Variants in HCLS1 observed in about 807,000 individuals in gnomAD.
The protein encoded by HCLS1 is hematopoietic cell-specific Lyn substrate 1.
Under a neutral mutation model 68.6 loss-of-function variants are expected in HCLS1, and 44 were observed. That is an observed-to-expected ratio of 0.64 (90% CI 0.50 to 0.82). The LOEUF (loss-of-function observed/expected upper bound fraction) is 0.82, where lower values mean the gene tolerates loss of function less well. Ranked by LOEUF, HCLS1 falls within the 40% of genes least tolerant of loss-of-function variation. The pLI is 0.00. For missense variants in HCLS1, 602 were observed against 612.1 expected (o/e 0.98, Z 0.17); for synonymous variants, 217 against 225.8 (o/e 0.96, Z 0.35).
In HCLS1 at chr3:121,634,333, C is replaced by T. The variant is rs2049129031; in HGVS notation, c.777G>A (p.Gln259=). ...KRKREEEEKA[Q]QVARRQQERK... ...GCTCCTGTTGCCTCCTGGCCACCTG[C>T]TGTGCCTTCTCCTCTTCCTCTCGCT... The change falls in exon 10 of 14, where the codon CAG becomes CAA. Residue 259 remains glutamine (Q), a synonymous_variant. Coordinates refer to ENST00000314583, the MANE Select transcript of HCLS1 (RefSeq NM_005335.6). 1 of 1,614,142 alleles carries T rather than the reference C, an allele frequency of 6.2e-7. No homozygotes were observed. Among genetic ancestry groups the T allele is most frequent in the Non-Finnish European group, 8.5e-7 (1 of 1,179,978 alleles).
chr3:121,658,243 C>G, intron 2 of HCLS1, 21 bp downstream of exon 2: 4 of 1,601,048 alleles, frequency 2.5e-6, no homozygotes, highest in Non-Finnish European at 3.4e-6. Context: ...ACTGTCCAAG[C>G]AAAGCTACTT....
chr3:121,648,907 C>T (rs1170988686), intron 3 of HCLS1, among the ~76,000 whole-genome samples: 2 of 152,060 alleles, frequency 1.3e-5, no homozygotes, highest in African/African-American at 4.8e-5. Context: ...GCTACTAGTA[C>T]CAAGGACATG....
intron 4 of HCLS1, among the ~76,000 whole-genome samples, chr3:121,645,984 T>G (rs1276612108): frequency 1.5e-5 from 2 of 135,462 alleles, no homozygotes; most frequent in Non-Finnish European, 3.1e-5. Context: ...TAACATATAT[T>G]AATAATATAT....
chr3:121,652,626 C>T (rs1235409905), intron 3 of HCLS1, among the ~76,000 whole-genome samples: 1 of 152,144 alleles, frequency 6.6e-6, no homozygotes, highest in East Asian at 1.9e-4. Context: ...TACCACTGCA[C>T]TCCAGCCTGG....
Position 121,644,929 on chromosome 3 carries a change from CTG to C in HCLS1, c.289-3_289-2del, listed in dbSNP as rs757692384. The stretch of plus-strand genomic sequence containing the variant: ...CAACATACTCATGGCCCACTGCACT[CTG>C]AGAAAAATCAAGGATGGAGTGAGTG... On this transcript the variant is annotated splice_acceptor_variant and splice_polypyrimidine_tract_variant and intron_variant, in intron 4 of 13. Coordinates refer to ENST00000314583, the MANE Select transcript of HCLS1 (RefSeq NM_005335.6). LOFTEE classifies it high-confidence loss of function. 6.2e-7 allele frequency: 1 copy of C among 1,609,266 alleles called. No homozygotes were observed. The highest frequency in any genetic ancestry group is 8.5e-7 in the Non-Finnish European group (1 of 1,175,706).
chr3:121,654,363 T>C (rs941457609), intron 3 of HCLS1: 2 of 152,248 alleles, frequency 1.3e-5, no homozygotes, highest in Non-Finnish European at 2.9e-5. Context: ...TATGTTATTT[T>C]TAACCATTTA....
rs2049158285 is a variant in HCLS1, at chr3:121,637,231, C to T, written c.480G>A (p.Arg160=). 2 of 1,613,904 alleles carry T rather than the reference C, an allele frequency of 1.2e-6. No individual in the cohort carries two copies. Among genetic ancestry groups the T allele is most frequent in the Non-Finnish European group, 8.5e-7 (1 of 1,179,836 alleles). ...QKDYSRGFGG[R]YGVEKDKWDK... is the part of the protein sequence containing the mutation. The stretch of plus-strand genomic sequence containing the variant: ...CCCATTTATCCTTCTCCACCCCGTA[C>T]CGGCCACCAAAGCCACGAGAGTAAT... The change falls in exon 7 of 14, where the codon CGG becomes CGA. Residue 160 remains arginine (R), a synonymous_variant. Transcript: ENST00000314583.
At chr3:121,649,888 C>T (rs1937705783) in intron 3 of HCLS1, among the ~76,000 whole-genome samples, 1 of 152,070 alleles carries the variant, frequency 6.6e-6, no homozygotes, top group Non-Finnish European at 1.5e-5. Context: ...ATGTGAGTGA[C>T]TCAGAATATA....
chr3:121,632,245 T>A, intron 12 of HCLS1, 61 bp from the exon 13 acceptor site: 2 of 1,604,172 alleles, frequency 1.2e-6, no homozygotes, highest in Non-Finnish European at 1.7e-6. Context: ...CAGAGAAAGA[T>A]CCTACTGGGG....
In HCLS1 at chr3:121,633,279, G is replaced by A. The variant is rs368834635; in HGVS notation, c.904-108C>T. The A allele has an allele frequency of 1.9e-4, 131 of 689,078 alleles. 1 individual carries two copies. The highest frequency in any genetic ancestry group is 1.5e-3 in the East Asian group (52 of 35,122). The allele number at this position is 689,078 out of a possible 1,614,324, so 42.7% of individuals were successfully genotyped here. A position where few individuals can be genotyped will look rare whatever the true frequency, so the allele number is the denominator to read the frequency against. ...AGCCCAGGCTGGAGTGCAGTGGTGC[G>A]ATCTCAGCTCATTGCAACCTCCGCC... On this transcript the variant is annotated intron_variant, in intron 10 of 13. Transcript: ENST00000314583.
rs1163124077 is a variant in HCLS1 at position 121,631,557 on chromosome 3, A to C, written c.*289T>G. The C allele has an allele frequency of 1.4e-5, 5 of 350,420 alleles. No individual in the cohort carries two copies. The highest frequency in any genetic ancestry group is 1.0e-5 in the Non-Finnish European group (2 of 191,300). The allele number at this position is 350,420 out of a possible 1,614,324, so 21.7% of individuals were successfully genotyped here. On this transcript the variant is annotated 3_prime_UTR_variant, in exon 14 of 14. Transcript: ENST00000314583. Reference sequence around the variant, plus strand: ...CGGGTAAACAAACTGGGAAGCCCAGAGCTCACAGAGGAGGAGAGCAGAGCT... The same window carrying C: ...CGGGTAAACAAACTGGGAAGCCCAGCGCTCACAGAGGAGGAGAGCAGAGCT...
In HCLS1 at chr3:121,633,051, T is replaced by C. The variant is rs780416658; in HGVS notation, c.1008+16A>G. ...AAGATGGGGTGGGGGCAGAGAATCTTTGGGGGTTTGCTTACCTCCGGGAGA... is the reference window on the plus strand; with the variant it reads ...AAGATGGGGTGGGGGCAGAGAATCTCTGGGGGTTTGCTTACCTCCGGGAGA... On this transcript the variant is annotated intron_variant, in intron 11 of 13. Transcript: ENST00000314583. The C allele has an allele frequency of 6.3e-5, 98 of 1,548,536 alleles. 1 individual carries two copies. In the South Asian group the frequency reaches 7.5e-4, roughly 12 times the overall value.
intron 3 of HCLS1, among the ~76,000 whole-genome samples, chr3:121,649,528 C>T (rs1937693936): frequency 6.6e-6 from 1 of 152,196 alleles, no homozygotes; most frequent in Non-Finnish European, 1.5e-5. Flanking sequence ...AGCCACCACG[C>T]CTGGCCTAAA....
intron 6 of HCLS1, among the ~76,000 whole-genome samples, chr3:121,640,842 C>A (rs1322855782): frequency 5.5e-4 from 17 of 31,066 alleles, no homozygotes; most frequent in African/African-American, 1.8e-3. Flanking sequence ...GACGGGAGGG[C>A]AGGGCAGGGC....
At chr3:121,643,927 T>A (rs1370056135) in intron 5 of HCLS1, 1 of 152,372 alleles carries the variant, frequency 6.6e-6, no homozygotes, top group Non-Finnish European at 1.5e-5. Context: ...GCCTTCTACA[T>A]CTTCCCTTAG....
Position 121,656,096 on chromosome 3 carries a change from C to T in HCLS1, c.158+1183G>A, listed in dbSNP as rs143784915. The stretch of plus-strand genomic sequence containing the variant: ...ACTCCTGACCTCAAGTGATCTTCCT[C>T]GCTCGGCCTTCCAAAGTTTTGGGAT... On this transcript the variant is annotated intron_variant, in intron 3 of 13. Transcript: ENST00000314583. 2.2e-4 allele frequency: 33 copies of T among 152,142 alleles called. No homozygotes were observed. The East Asian group carries it at 3.1e-3, about 14-fold the overall frequency. 9.4% of individuals were successfully genotyped at this position (152,142 alleles called of 1,614,324 possible).
At position 121,632,918 on chromosome 3, in the gene HCLS1, A is replaced by G. The variant is rs1386945105; in HGVS notation, c.1008+149T>C. The G allele has an allele frequency of 8.1e-6, 5 of 617,570 alleles. No homozygotes were observed. In the East Asian group the frequency reaches 1.4e-4, roughly 17 times the overall value. The allele number at this position is 617,570 out of a possible 1,614,324, so 38.3% of individuals were successfully genotyped here. On this transcript the variant is annotated intron_variant, in intron 11 of 13. Transcript: ENST00000314583. ...AATCATCTATACTAGTTTGCCCAGGACAGAGGAGTTTCCCAGAAGGCAAGG... is the reference window on the plus strand; with the variant it reads ...AATCATCTATACTAGTTTGCCCAGGGCAGAGGAGTTTCCCAGAAGGCAAGG...
At position 121,634,514 on chromosome 3, in the gene HCLS1, C is replaced by A. The variant is rs183343342; in HGVS notation, c.692-96G>T. On this transcript the variant is annotated intron_variant, in intron 9 of 13. Coordinates refer to ENST00000314583, the MANE Select transcript of HCLS1 (RefSeq NM_005335.6). ...GAAGAAGGGGAATCAGTTAAATATC[C>A]GGGAGGAGGGATTTGTGGGACAGGA... 17 of 1,147,638 alleles carry A rather than the reference C, an allele frequency of 1.5e-5. No homozygotes were observed. In the African/African-American group the frequency reaches 1.6e-4, roughly 11 times the overall value. The allele number at this position is 1,147,638 out of a possible 1,614,324, so 71.1% of individuals were successfully genotyped here. A position where few individuals can be genotyped will look rare whatever the true frequency, so the allele number is the denominator to read the frequency against.
intron 2 of HCLS1, chr3:121,657,884 C>G (rs1375594286): frequency 4.7e-6 from 1 of 213,380 alleles, no homozygotes; most frequent in Non-Finnish European, 9.4e-6. Context: ...ACCTCCGTTC[C>G]TCCTCTGCCT....
Sources: allele counts gnomAD v4.1 joint callset (sites outside exome capture counted in the v4.1 genomes callset), GRCh38; gene constraint gnomAD v4.1.1; transcripts MANE v1.5; gene names NCBI Gene and HGNC (gene_info 2026-07-23, HGNC 2026-07-21).